Variants in PPP1R1B observed in about 807,000 individuals in gnomAD.
PPP1R1B encodes the protein protein phosphatase 1 regulatory subunit 1B.
Under a neutral mutation model 28.2 loss-of-function variants are expected in PPP1R1B, and 13 were observed. The observed-to-expected ratio is 0.46, with a 90% CI of 0.30 to 0.73. The LOEUF (loss-of-function observed/expected upper bound fraction) is 0.73. PPP1R1B is among the 30% of genes least tolerant of loss of function. The probability of loss-of-function intolerance (pLI) is 0.07; values close to 1 mark genes in which losing one functional copy is unlikely to be tolerated. For synonymous variants in PPP1R1B, 102 were observed against 97.5 expected (o/e 1.05, Z -0.27); for missense variants, 236 against 256.7 (o/e 0.92, Z 0.55).
chr17:39,630,184 G>A (rs551062076), intron 4 of PPP1R1B, 137 bp downstream of exon 4: 136 of 785,730 alleles, frequency 1.7e-4, no homozygotes, highest in Non-Finnish European at 2.7e-4. Context: ...ACAACCCAAC[G>A]TAAAGACCAA....
At chr17:39,631,866 G>A (rs1379623056) in intron 4 of PPP1R1B, among the ~76,000 whole-genome samples, 2 of 152,158 alleles carry the variant, frequency 1.3e-5, no homozygotes, top group Non-Finnish European at 2.9e-5. Context: ...GGGACAGAGT[G>A]TCATCTTCTC....
At chr17:39,629,641 C>A in intron 3 of PPP1R1B, 79 bp downstream of exon 3, 1 of 1,473,702 alleles carries the variant, frequency 6.8e-7, no homozygotes. Flanking sequence ...CAGTGACAAC[C>A]AACCAGTATG....
chr17:39,628,765 C>T (rs1182696610), intron 1 of PPP1R1B: 3 of 964,184 alleles, frequency 3.1e-6, no homozygotes, highest in Admixed American at 5.6e-5. Context: ...AGGGCCCAGC[C>T]GTGGCAGCTG....
chr17:39,628,401 C>CT, intron 1 of PPP1R1B: 1 of 491,040 alleles, frequency 2.0e-6, no homozygotes, highest in Non-Finnish European at 2.6e-6. Flanking sequence ...CAACAGGGAC[C>CT]TAATTAACTG....
chr17:39,628,697 C>A, intron 1 of PPP1R1B: 1 of 989,152 alleles, frequency 1.0e-6, no homozygotes, highest in Non-Finnish European at 1.2e-6. Context: ...AGCCCTTGAG[C>A]TGATCTTAGG....
intron 4 of PPP1R1B, among the ~76,000 whole-genome samples, chr17:39,631,608 TC>T (rs1299992913): frequency 2.0e-5 from 3 of 152,114 alleles, no homozygotes; most frequent in African/African-American, 4.8e-5. Context: ...GGGAAGTGGT[TC>T]GGGGGAGGGT....
In PPP1R1B at chr17:39,629,093, C is replaced by T. The variant is rs116583955; in HGVS notation, c.82-77C>T. The T allele has an allele frequency of 2.8e-3, 4,013 of 1,431,312 alleles. 105 individuals carry two copies. In the African/African-American group the frequency reaches 0.05, roughly 18 times the overall value. The allele number at this position is 1,431,312 out of a possible 1,614,324, so 88.7% of individuals were successfully genotyped here. A position where few individuals can be genotyped will look rare whatever the true frequency, so the allele number is the denominator to read the frequency against. On this transcript the variant is annotated intron_variant, in intron 1 of 6. Transcript: ENST00000254079. ...AAGGTTCCCTGGGGACTCCAAAGCA[C>T]TGTTTGTTCCCTGCTGCCTGGGGGT... is the stretch of plus-strand genomic sequence containing the variant.
At chr17:39,632,873 G>C (rs1381917999) in intron 4 of PPP1R1B, 2 of 152,100 alleles carry the variant, frequency 1.3e-5, no homozygotes, top group African/African-American at 4.8e-5. Context: ...TGAGGGGAGG[G>C]GCCACTGGCA....
chr17:39,633,347 TC>T (rs1481381333), intron 4 of PPP1R1B: 1 of 167,242 alleles, frequency 6.0e-6, no homozygotes, highest in Non-Finnish European at 1.3e-5. Context: ...TGGATTGGCA[TC>T]TATGACTGGG....
At chr17:39,635,754 G>T in intron 6 of PPP1R1B, 28 bp downstream of exon 6, 1 of 1,612,282 alleles carries the variant, frequency 6.2e-7, no homozygotes, top group East Asian at 2.2e-5. Context: ...GAAATGGGGA[G>T]GAGGGGCTGG....
intron 4 of PPP1R1B, among the ~76,000 whole-genome samples, chr17:39,631,274 C>T (rs1255091165): frequency 6.6e-6 from 1 of 152,110 alleles, no homozygotes; most frequent in Non-Finnish European, 1.5e-5. Context: ...GGAAGGTACA[C>T]AAAGATGTTT....
chr17:39,630,160 G>C, intron 4 of PPP1R1B, 113 bp downstream of exon 4: 1 of 1,044,350 alleles, frequency 9.6e-7, no homozygotes, highest in Non-Finnish European at 1.4e-6. Context: ...ATAGCCCGCT[G>C]TCAGCGTGGC....
At chr17:39,630,994 G>A (rs562882621) in intron 4 of PPP1R1B, among the ~76,000 whole-genome samples, 35 of 152,212 alleles carry the variant, frequency 2.3e-4, no homozygotes, top group African/African-American at 7.9e-4. Flanking sequence ...ACTTGAACCC[G>A]GGAGGCAGAG....
At chr17:39,630,420 C>T (rs1440756785) in intron 4 of PPP1R1B, 1 of 290,108 alleles carries the variant, frequency 3.4e-6, no homozygotes. Context: ...GTGGGCTTCA[C>T]CCCTGGCCTC....
At chr17:39,629,706 C>T in intron 3 of PPP1R1B, 144 bp downstream of exon 3, 1 of 863,792 alleles carries the variant, frequency 1.2e-6, no homozygotes, top group Non-Finnish European at 1.8e-6. Context: ...TCTGAGAGTG[C>T]CTCATGCCAG....
At position 39,635,730 on chromosome 17, in the gene PPP1R1B, A is replaced by G. The variant is rs1464955743; in HGVS notation, c.565+4A>G. Reference sequence around the variant, plus strand: ...GTGGAAGACCCAGCACTAAGTGGTAAGGCTTGGGAGTGTGAAATGGGGAGG... The same window carrying G: ...GTGGAAGACCCAGCACTAAGTGGTAGGGCTTGGGAGTGTGAAATGGGGAGG... On this transcript the variant is annotated splice_donor_region_variant and intron_variant, in intron 6 of 6. Transcript: ENST00000254079. The G allele has an allele frequency of 6.2e-7, 1 of 1,612,930 alleles. No homozygotes were observed. Among genetic ancestry groups the G allele is most frequent in the Non-Finnish European group, 8.5e-7 (1 of 1,179,058 alleles).
chr17:39,631,946 G>A (rs755324555), intron 4 of PPP1R1B, among the ~76,000 whole-genome samples: 10 of 152,146 alleles, frequency 6.6e-5, no homozygotes, highest in Non-Finnish European at 1.5e-4. Context: ...GTGGATGTGA[G>A]GGGAAGACCT....
intron 4 of PPP1R1B, 139 bp from the exon 5 acceptor site, chr17:39,633,744 C>CCTTGAACTTGGGCCCCTGAGGGGGTA: frequency 6.7e-7 from 1 of 1,485,066 alleles, no homozygotes. Context: ...CAACTTTGGC[C>CCTTGAACTTGGGCCCCTGAGGGGGTA]TTTGAACTTG....
chr17:39,628,411 G>A, intron 1 of PPP1R1B: 1 of 600,850 alleles, frequency 1.7e-6, no homozygotes, highest in Non-Finnish European at 2.1e-6. Flanking sequence ...CTAATTAACT[G>A]ACAGTTGGTC....
Sources: allele counts gnomAD v4.1 joint callset (sites outside exome capture counted in the v4.1 genomes callset), GRCh38; gene constraint gnomAD v4.1.1; transcripts MANE v1.5; gene names NCBI Gene and HGNC (gene_info 2026-07-23, HGNC 2026-07-21).